GRM1: variants seen among roughly 807,000 people sequenced by gnomAD.
The protein encoded by GRM1 is metabotropic glutamate receptor 1.
GRM1 carries 33 observed loss-of-function variants against 90.9 expected under a neutral mutation model. That is an observed-to-expected ratio of 0.36 (90% CI 0.28 to 0.49). GRM1 has a LOEUF of 0.49. GRM1 is among the 20% of genes least tolerant of loss of function. The pLI, the probability that GRM1 is intolerant of heterozygous loss-of-function variation, is 0.99. For synonymous variants in GRM1, 700 were observed against 613.2 expected, an observed-to-expected ratio of 1.14 and a Z score of -2.09; for missense variants, 1,190 against 1,534.3, an observed-to-expected ratio of 0.78 and a Z score of 3.75.
chr6:146,091,655 A>G (rs773300635), intron 1 of GRM1, among the ~76,000 whole-genome samples: 6 of 152,046 alleles, frequency 3.9e-5, no homozygotes, highest in Non-Finnish European at 7.4e-5. Flanking sequence ...TTTTTACAGT[A>G]TTTATATTTC....
chr6:146,387,605 G>A (rs1182697853), intron 6 of GRM1, among the ~76,000 whole-genome samples: 2 of 152,096 alleles, frequency 1.3e-5, no homozygotes, highest in Non-Finnish European at 2.9e-5. Context: ...GCAAGAAGAT[G>A]AAAGGAATTT....
intron 1 of GRM1, among the ~76,000 whole-genome samples, chr6:146,061,381 T>C (rs1030509138): frequency 5.3e-5 from 8 of 152,132 alleles, no homozygotes; most frequent in Admixed American, 5.2e-4. Flanking sequence ...ATATCTGTGT[T>C]TGCACATTGA....
intron 5 of GRM1, chr6:146,365,386 T>G (rs893217225): frequency 6.6e-6 from 1 of 152,262 alleles, no homozygotes; most frequent in African/African-American, 2.4e-5. Flanking sequence ...CCTATATCTG[T>G]GCTGTTCTCT....
intron 1 of GRM1, among the ~76,000 whole-genome samples, chr6:146,059,094 G>A: frequency 6.6e-6 from 1 of 152,036 alleles, no homozygotes; most frequent in East Asian, 1.9e-4. Context: ...ATTCTTAATG[G>A]CATCTGGAAT....
At chr6:146,173,668 CTT>C (rs555503367) in intron 2 of GRM1, among the ~76,000 whole-genome samples, 5 of 134,414 alleles carry the variant, frequency 3.7e-5, no homozygotes, top group Non-Finnish European at 3.2e-5. Flanking sequence ...TCCTGAGGTT[CTT>C]TTTTTTTTTT....
intron 1 of GRM1, among the ~76,000 whole-genome samples, chr6:146,118,186 C>T (rs1775838657): frequency 7.5e-6 from 1 of 134,216 alleles, no homozygotes; most frequent in African/African-American, 2.8e-5. Flanking sequence ...GTTGCCCAGG[C>T]TGGAGTGCAG....
intron 6 of GRM1, among the ~76,000 whole-genome samples, chr6:146,392,408 T>A (rs1776759564): frequency 6.6e-6 from 1 of 152,200 alleles, no homozygotes; most frequent in Non-Finnish European, 1.5e-5. Context: ...CTTTTGACTT[T>A]AAATAAAATT....
intron 2 of GRM1, among the ~76,000 whole-genome samples, chr6:146,245,337 C>G (rs951660809): frequency 6.6e-6 from 1 of 152,140 alleles, no homozygotes. Flanking sequence ...CAAGTACAAA[C>G]AGTCTCTGGG....
intron 5 of GRM1, among the ~76,000 whole-genome samples, chr6:146,362,413 C>G (rs574175104): frequency 6.9e-4 from 105 of 152,132 alleles, no homozygotes; most frequent in Non-Finnish European, 1.3e-3. Flanking sequence ...GGTGCGGTGG[C>G]TCACGCCTGT....
intron 7 of GRM1, among the ~76,000 whole-genome samples, chr6:146,421,613 T>A (rs1295548264): frequency 6.6e-6 from 1 of 152,110 alleles, no homozygotes; most frequent in Non-Finnish European, 1.5e-5. Context: ...AAGATTTTAA[T>A]AGGGCAAAAT....
chr6:146,243,218 A>T (rs566274091), intron 2 of GRM1, among the ~76,000 whole-genome samples: 1 of 152,276 alleles, frequency 6.6e-6, no homozygotes, highest in South Asian at 2.1e-4. Flanking sequence ...TGTATTCACA[A>T]TATACACATC....
chr6:146,146,103 C>CTTTTTTTTT lies in GRM1; in HGVS notation c.701-13217_701-13209dup, dbSNP rs35329703. Among the ~76,000 whole-genome samples, 67 of 19,988 alleles carry CTTTTTTTTT rather than the reference C, an allele frequency of 3.4e-3. 28 individuals carry two copies. Among genetic ancestry groups the CTTTTTTTTT allele is most frequent in the Non-Finnish European group, 5.9e-3 (56 of 9,440 alleles). The allele number at this position is 19,988 out of a possible 152,430, so 13.1% of individuals were successfully genotyped here. A position where few individuals can be genotyped will look rare whatever the true frequency, so the allele number is the denominator to read the frequency against. ...CTGTGCCTATGTACTACCATTGTAT[C>CTTTTTTTTT]TTTTTTTTTTTTTTTTTTTTTTTTT... On this transcript the variant is annotated intron_variant, in intron 1 of 7. Coordinates refer to ENST00000282753, the MANE Select transcript of GRM1 (RefSeq NM_001278064.2).
chr6:146,392,037 T>A (rs1314804812), intron 6 of GRM1, among the ~76,000 whole-genome samples: 1 of 152,182 alleles, frequency 6.6e-6, no homozygotes, highest in East Asian at 1.9e-4. Context: ...TGATTATCCT[T>A]GGAGAGGCCT....
intron 1 of GRM1, among the ~76,000 whole-genome samples, chr6:146,089,960 A>G (rs1322837535): frequency 6.6e-6 from 1 of 151,794 alleles, no homozygotes; most frequent in Non-Finnish European, 1.5e-5. Context: ...TTTCTCCTCT[A>G]TTTTTTATGT....
chr6:146,416,206 A>G (rs1004476493), intron 7 of GRM1, among the ~76,000 whole-genome samples: 5 of 152,106 alleles, frequency 3.3e-5, no homozygotes, highest in Admixed American at 6.5e-5. Context: ...GTTTATTTAT[A>G]TGTAATATAA....
At chr6:146,209,022 AC>A (rs1425816179) in intron 2 of GRM1, among the ~76,000 whole-genome samples, 2 of 152,148 alleles carry the variant, frequency 1.3e-5, no homozygotes, top group Non-Finnish European at 2.9e-5. Flanking sequence ...TAGTTACAAA[AC>A]GATATCATAT....
chr6:146,436,395 C>T lies in GRM1; in HGVS notation c.*1599C>T, dbSNP rs892664866. 1 of 152,156 alleles carries T rather than the reference C, an allele frequency of 6.6e-6. No individual in the cohort carries two copies. The highest frequency in any genetic ancestry group is 1.5e-5 in the Non-Finnish European group (1 of 68,024). The allele number at this position is 152,156 out of a possible 1,614,324, so 9.4% of individuals were successfully genotyped here. ...AAAAGGTACATTTTATAAGCTTGCA[C>T]ACATTATTAACACATAAGATTGAAC... On this transcript the variant is annotated 3_prime_UTR_variant, in exon 8 of 8. Coordinates refer to ENST00000282753, the MANE Select transcript of GRM1 (RefSeq NM_001278064.2).
chr6:146,250,746 G>A (rs542488545), intron 2 of GRM1, among the ~76,000 whole-genome samples: 7 of 152,308 alleles, frequency 4.6e-5, no homozygotes, highest in East Asian at 1.9e-4. Flanking sequence ...GACCCAGTGA[G>A]TCTGGTCCCA....
intron 7 of GRM1, among the ~76,000 whole-genome samples, chr6:146,405,503 A>G (rs1415372862): frequency 6.6e-6 from 1 of 152,214 alleles, no homozygotes; most frequent in Non-Finnish European, 1.5e-5. Context: ...GCTGAAATAA[A>G]AGATGTGTAT....
Sources: gnomAD v4.1 joint callset for allele counts (sites outside exome capture counted in the v4.1 genomes callset) on GRCh38, gnomAD v4.1.1 for gene constraint, MANE v1.5 for transcripts, NCBI Gene and HGNC (gene_info 2026-07-23, HGNC 2026-07-21) for gene names.